ADGRB3: variants seen among roughly 807,000 people sequenced by gnomAD.
ADGRB3 encodes the protein adhesion G protein-coupled receptor B3, also known as brain-specific angiogenesis inhibitor 3.
In ADGRB3, 37 loss-of-function variants were observed where a neutral mutation model predicts 193.4. The ratio of observed to expected loss-of-function variants is 0.19; its 90% CI spans 0.15 to 0.25. The LOEUF is 0.25. Ranked by LOEUF, ADGRB3 falls within the 10% of genes least tolerant of loss-of-function variation. The pLI is 1.00. For synonymous variants in ADGRB3, 690 were observed against 644.2 expected (o/e 1.07, Z -1.08); for missense variants, 1,637 against 1,852.9 (o/e 0.88, Z 2.14).
chr6:69,285,340 C>A (rs1299813383), intron 20 of ADGRB3, among the ~76,000 whole-genome samples: 1 of 152,158 alleles, frequency 6.6e-6, no homozygotes, highest in African/African-American at 2.4e-5. Context: ...AGAGCTTCCT[C>A]TACTTCTAGT....
At chr6:68,863,990 T>G (rs484684) in intron 3 of ADGRB3, among the ~76,000 whole-genome samples, 68,051 of 152,076 alleles carry the variant, frequency 0.45, 16,572 homozygotes, top group East Asian at 0.6. Flanking sequence ...TAGATTTTCT[T>G]TCAGGGTACC....
At chr6:68,891,272 G>A (rs191077272) in intron 3 of ADGRB3, among the ~76,000 whole-genome samples, 1 of 152,232 alleles carries the variant, frequency 6.6e-6, no homozygotes, top group Admixed American at 6.5e-5. Flanking sequence ...TGGGAATTAT[G>A]GGAGCTACGA....
chr6:68,976,529 T>G (rs192295946), intron 10 of ADGRB3, among the ~76,000 whole-genome samples: 36 of 152,304 alleles, frequency 2.4e-4, no homozygotes, highest in Middle Eastern at 6.8e-3. Flanking sequence ...ACTAATAGCC[T>G]GTTCTTGACC....
At chr6:69,086,611 T>C (rs1463841202) in intron 17 of ADGRB3, among the ~76,000 whole-genome samples, 1 of 152,150 alleles carries the variant, frequency 6.6e-6, no homozygotes, top group African/African-American at 2.4e-5. Flanking sequence ...TGCCAAATTT[T>C]TTTTGGTTTG....
At chr6:69,066,038 T>C (rs1179961437) in intron 16 of ADGRB3, among the ~76,000 whole-genome samples, 1 of 151,960 alleles carries the variant, frequency 6.6e-6, no homozygotes, top group Non-Finnish European at 1.5e-5. Flanking sequence ...TATGCAAATA[T>C]ATATAAGATA....
intron 4 of ADGRB3, 66 bp downstream of exon 4, chr6:68,930,735 TA>T: frequency 8.1e-7 from 1 of 1,235,560 alleles, no homozygotes; most frequent in South Asian, 1.4e-5. Context: ...CATGTTTTCA[TA>T]ATCTTTTGCT....
chr6:68,829,902 T>A (rs935797085), intron 3 of ADGRB3, among the ~76,000 whole-genome samples: 21 of 152,154 alleles, frequency 1.4e-4, no homozygotes, highest in South Asian at 2.1e-4. Context: ...AATAATCTCA[T>A]ATAAGATAGA....
chr6:69,088,005 A>T (rs1772598150), intron 17 of ADGRB3, among the ~76,000 whole-genome samples: 1 of 152,198 alleles, frequency 6.6e-6, no homozygotes, highest in South Asian at 2.1e-4. Context: ...TATTTTCTAT[A>T]GTTTCAGGCA....
At chr6:69,202,594 A>G (rs1381341760) in intron 17 of ADGRB3, among the ~76,000 whole-genome samples, 1 of 152,138 alleles carries the variant, frequency 6.6e-6, no homozygotes, top group Non-Finnish European at 1.5e-5. Context: ...CATATACCTA[A>G]ATAACACAGT....
chr6:69,332,635 C>T (rs1768754689), intron 23 of ADGRB3: 3 of 985,278 alleles, frequency 3.0e-6, no homozygotes, highest in East Asian at 1.1e-4. Context: ...GCCAGATTGG[C>T]ATAGTATGGT....
intron 19 of ADGRB3, among the ~76,000 whole-genome samples, chr6:69,236,582 C>A (rs1766272718): frequency 6.6e-6 from 1 of 152,074 alleles, no homozygotes; most frequent in South Asian, 2.1e-4. Flanking sequence ...CATTTAAAGA[C>A]TAGGAATTTG....
intron 15 of ADGRB3, among the ~76,000 whole-genome samples, chr6:69,061,502 A>G (rs2150307385): frequency 6.6e-6 from 1 of 152,178 alleles, no homozygotes; most frequent in Non-Finnish European, 1.5e-5. Flanking sequence ...CCTTTACAGC[A>G]TAATCAAGGA....
At chr6:68,651,617 G>C (rs1037477810) in intron 3 of ADGRB3, among the ~76,000 whole-genome samples, 3 of 152,118 alleles carry the variant, frequency 2.0e-5, no homozygotes, top group African/African-American at 7.2e-5. Flanking sequence ...AACTGATTTA[G>C]GCAAAAGAAA....
intron 20 of ADGRB3, among the ~76,000 whole-genome samples, chr6:69,259,039 T>G (rs1485362553): frequency 6.6e-6 from 1 of 152,194 alleles, no homozygotes; most frequent in Admixed American, 6.5e-5. Flanking sequence ...GCATGTCAAA[T>G]AAGGATAAGA....
intron 3 of ADGRB3, among the ~76,000 whole-genome samples, chr6:68,753,317 G>A (rs1446576874): frequency 2.6e-5 from 4 of 152,192 alleles, no homozygotes; most frequent in African/African-American, 9.7e-5. Flanking sequence ...TTTAAGGAAA[G>A]TGGAAAAAGG....
intron 3 of ADGRB3, among the ~76,000 whole-genome samples, chr6:68,878,664 A>G (rs1395078320): frequency 1.3e-5 from 2 of 152,164 alleles, no homozygotes; most frequent in Non-Finnish European, 2.9e-5. Flanking sequence ...CTCTGTGACC[A>G]TTTCAGTTTT....
chr6:69,215,196 G>A (rs1765751037), intron 17 of ADGRB3, among the ~76,000 whole-genome samples: 1 of 152,138 alleles, frequency 6.6e-6, no homozygotes, highest in African/African-American at 2.4e-5. Context: ...GATACGATTG[G>A]ATTTTGAAGG....
chr6:68,967,742 A>G (rs1768425194), intron 8 of ADGRB3, among the ~76,000 whole-genome samples: 1 of 152,176 alleles, frequency 6.6e-6, no homozygotes, highest in African/African-American at 2.4e-5. Flanking sequence ...AAACATGTAT[A>G]GATGTTACAA....
rs553396902 is a variant in ADGRB3 at position 69,251,572 on chromosome 6, GATATT to G, written c.2814+12350_2814+12354del. Among the ~76,000 whole-genome samples the G allele has an allele frequency of 3.3e-5, 5 of 152,198 alleles. No homozygotes were observed. In the South Asian group the frequency reaches 1.0e-3, roughly 32 times the overall value. Reference sequence around the variant, plus strand: ...TTTTTAAATCTAGAAGTAGGGAGGAGATATTATAAGAATCAAGTAGGATTGCACCT... The same window carrying G: ...TTTTTAAATCTAGAAGTAGGGAGGAGATAAGAATCAAGTAGGATTGCACCT... On this transcript the variant is annotated intron_variant, in intron 20 of 31. Transcript: ENST00000370598.
Sources: allele counts gnomAD v4.1 joint callset (sites outside exome capture counted in the v4.1 genomes callset), GRCh38; gene constraint gnomAD v4.1.1; transcripts MANE v1.5; gene names NCBI Gene and HGNC (gene_info 2026-07-23, HGNC 2026-07-21).